TIPARP: variants seen among roughly 807,000 people sequenced by gnomAD.
TIPARP encodes the protein protein mono-ADP-ribosyltransferase TIPARP.
In TIPARP, 12 loss-of-function variants were observed where a neutral mutation model predicts 56.5. The observed-to-expected ratio is 0.21, with a 90% CI of 0.14 to 0.34. The LOEUF (loss-of-function observed/expected upper bound fraction) is 0.34, where lower values mean the gene tolerates loss of function less well. Ranked by LOEUF, TIPARP falls within the 10% of genes least tolerant of loss-of-function variation. The probability of loss-of-function intolerance (pLI) is 1.00; values close to 1 mark genes in which losing one functional copy is unlikely to be tolerated. For missense variants in TIPARP, 604 were observed against 781.6 expected (o/e 0.77, Z 2.71); for synonymous variants, 296 against 265.7 (o/e 1.11, Z -1.11).
chr3:156,693,918 C>T, intron 2 of TIPARP, 102 bp from the exon 3 acceptor site: 1 of 1,273,388 alleles, frequency 7.9e-7, no homozygotes, highest in East Asian at 2.7e-5. Flanking sequence ...CTACAACAGG[C>T]TATGCTATGT....
intron 4 of TIPARP, among the ~76,000 whole-genome samples, chr3:156,701,290 A>G (rs904621669): frequency 4.6e-5 from 7 of 152,246 alleles, no homozygotes; most frequent in African/African-American, 1.7e-4. Flanking sequence ...ATTTTATGGA[A>G]CGGGTCCATA....
rs747800738 is a variant in TIPARP, at chr3:156,677,913, T to C, written c.216T>C (p.Val72=). 3 of 1,614,102 alleles carry C rather than the reference T, an allele frequency of 1.9e-6. No individual in the cohort carries two copies. Among genetic ancestry groups the C allele is most frequent in the Non-Finnish European group, 2.5e-6 (3 of 1,180,018 alleles). ...TLLESGSLDG[V]FRSRNQSTDE... ...TAGAATCTGGCTCACTTGATGGGGT[T>C]TTTAGATCTAGGAACCAGAGTACAG... Residue 72 remains valine, a synonymous_variant, in exon 2 of 6, where the codon GTT becomes GTC. Transcript: ENST00000295924.
intron 2 of TIPARP, among the ~76,000 whole-genome samples, chr3:156,683,582 C>G (rs899157153): frequency 7.2e-5 from 11 of 151,990 alleles, no homozygotes; most frequent in Non-Finnish European, 1.6e-4. Flanking sequence ...AAAAAAAATG[C>G]TGACTTTTGA....
At chr3:156,687,253 T>TA (rs1237706900) in intron 2 of TIPARP, among the ~76,000 whole-genome samples, 1 of 152,210 alleles carries the variant, frequency 6.6e-6, no homozygotes, top group East Asian at 1.9e-4. Context: ...GAATAAAAGT[T>TA]AAGGCTGTAT....
chr3:156,678,000 A>C lies in TIPARP; in HGVS notation c.303A>C (p.Pro101=), dbSNP rs756251665. Residue 101 remains proline (P), a synonymous_variant, in exon 2 of 6, where the codon CCA becomes CCC. Coordinates refer to ENST00000295924, the MANE Select transcript of TIPARP (RefSeq NM_015508.5). ...KKAMEINSSC[P]PAENNMSVLI... The stretch of plus-strand genomic sequence containing the variant: ...CCATGGAAATCAATTCATCATGCCC[A>C]CCAGCAGAAAATAATATGTCTGTTC... 7.4e-6 allele frequency: 12 copies of C among 1,614,012 alleles called. No homozygotes were observed. The highest frequency in any genetic ancestry group is 1.0e-5 in the Non-Finnish European group (12 of 1,180,032).
chr3:156,695,840 T>TTC (rs763285446), intron 3 of TIPARP, 25 bp from the exon 4 acceptor site: 5 of 1,368,698 alleles, frequency 3.7e-6, no homozygotes, highest in Non-Finnish European at 4.7e-6. Flanking sequence ...TTTTTTTTTT[T>TTC]TTTGTTCTGT....
intron 2 of TIPARP, among the ~76,000 whole-genome samples, chr3:156,685,824 G>A (rs2108489993): frequency 6.6e-6 from 1 of 152,320 alleles, no homozygotes; most frequent in South Asian, 2.1e-4. Context: ...AGGACCAAAG[G>A]GTGAACTTTG....
chr3:156,677,253 A>G (rs1003242057), intron 1 of TIPARP, among the ~76,000 whole-genome samples: 1 of 152,208 alleles, frequency 6.6e-6, no homozygotes, highest in Non-Finnish European at 1.5e-5. Context: ...TACATAAACA[A>G]CTATAAAGAG....
chr3:156,703,365 A>T, intron 4 of TIPARP, 59 bp from the exon 5 acceptor site: 1 of 1,538,312 alleles, frequency 6.5e-7, no homozygotes. Context: ...GATCACTATA[A>T]TGTGAGGTGT....
chr3:156,688,552 C>A (rs1722489604), intron 2 of TIPARP, among the ~76,000 whole-genome samples: 1 of 149,832 alleles, frequency 6.7e-6, no homozygotes, highest in Non-Finnish European at 1.5e-5. Flanking sequence ...TAAGTAGCAA[C>A]AGAATAAACA....
chr3:156,691,002 T>C (rs1031143239), intron 2 of TIPARP, among the ~76,000 whole-genome samples: 1 of 152,172 alleles, frequency 6.6e-6, no homozygotes, highest in Non-Finnish European at 1.5e-5. Flanking sequence ...GACTTAAACG[T>C]CCACAGTTTG....
Position 156,705,005 on chromosome 3 carries a change from T to C in TIPARP, c.1848T>C (p.Ser616=). 6.2e-7 allele frequency: 1 copy of C among 1,614,236 alleles called. No individual in the cohort carries two copies. ...CAGTCAATCCTGGCAGTGTCACCAGTGACCTTTATGACTCTTGTGTGGATA... is the reference window on the plus strand; with the variant it reads ...CAGTCAATCCTGGCAGTGTCACCAGCGACCTTTATGACTCTTGTGTGGATA... The part of the protein sequence containing the change: ...PPPVNPGSVT[S]DLYDSCVDNF... Residue 616 remains serine (S), a synonymous_variant, in exon 6 of 6, where the codon AGT becomes AGC. Coordinates refer to ENST00000295924, the MANE Select transcript of TIPARP (RefSeq NM_015508.5).
In TIPARP at chr3:156,704,764, A is replaced by G; in HGVS notation, c.1607A>G (p.Gln536Arg). The stretch of plus-strand genomic sequence containing the variant: ...AGACATTTATTTCATGGAACATCCC[A>G]GGATGTGGTAGATGGAATCTGCAAA... ...NERHLFHGTS[Q>R]DVVDGICKHN... is the part of the protein sequence containing the mutation. The change falls in exon 6 of 6, where the codon CAG becomes CGG. Residue 536 changes from glutamine to arginine, a missense_variant. Gln to Arg is a conservative substitution (Grantham distance 43). Transcript: ENST00000295924. 10 of 1,614,234 alleles carry G rather than the reference A, an allele frequency of 6.2e-6. No individual in the cohort carries two copies. Among genetic ancestry groups the G allele is most frequent in the Non-Finnish European group, 7.6e-6 (9 of 1,180,026 alleles).
Position 156,704,769 on chromosome 3 carries a change from G to T in TIPARP, c.1612G>T (p.Val538Leu). The change falls in exon 6 of 6, where the codon GTG becomes TTG. Residue 538 changes from valine (V) to leucine (L), a missense_variant. Physicochemically the swap from Val to Leu is conservative, Grantham distance 32. Around this residue, in one of 4 missense-constraint regions of TIPARP, gnomAD observed 77 missense variants for 161.0 expected, o/e 0.48. Coordinates refer to ENST00000295924, the MANE Select transcript of TIPARP (RefSeq NM_015508.5). ...RHLFHGTSQDVVDGICKHNFD... is the reference protein window; with the variant it reads ...RHLFHGTSQDLVDGICKHNFD... ...TTTATTTCATGGAACATCCCAGGAT[G>T]TGGTAGATGGAATCTGCAAACACAA... 1 of 1,614,238 alleles carries T rather than the reference G, an allele frequency of 6.2e-7. No individual in the cohort carries two copies. Among genetic ancestry groups the T allele is most frequent in the Non-Finnish European group, 8.5e-7 (1 of 1,180,040 alleles).
intron 2 of TIPARP, among the ~76,000 whole-genome samples, chr3:156,683,255 T>C (rs564581259): frequency 6.6e-6 from 1 of 152,294 alleles, no homozygotes; most frequent in South Asian, 2.1e-4. Flanking sequence ...ACATTATATA[T>C]TTTATCATTG....
Position 156,677,920 on chromosome 3 carries a change from T to G in TIPARP, c.223T>G (p.Ser75Ala), listed in dbSNP as rs1722189584. The G allele has an allele frequency of 6.2e-7, 1 of 1,614,146 alleles. No individual in the cohort carries two copies. Among genetic ancestry groups the G allele is most frequent in the Non-Finnish European group, 8.5e-7 (1 of 1,180,028 alleles). Reference sequence around the variant, plus strand: ...TGGCTCACTTGATGGGGTTTTTAGATCTAGGAACCAGAGTACAGATGAGAA... The same window carrying G: ...TGGCTCACTTGATGGGGTTTTTAGAGCTAGGAACCAGAGTACAGATGAGAA... ...ESGSLDGVFRSRNQSTDENSL... is the reference protein window; with the variant it reads ...ESGSLDGVFRARNQSTDENSL... The change falls in exon 2 of 6, where the codon TCT becomes GCT. Residue 75 changes from serine to alanine, a missense_variant. Transcript: ENST00000295924.
intron 4 of TIPARP, among the ~76,000 whole-genome samples, chr3:156,697,356 A>G (rs567582414): frequency 6.6e-6 from 1 of 151,696 alleles, no homozygotes; most frequent in South Asian, 2.1e-4. Context: ...ATTGTTGGAA[A>G]GTTTCGGTGA....
At chr3:156,697,380 G>A (rs192836727) in intron 4 of TIPARP, among the ~76,000 whole-genome samples, 291 of 149,558 alleles carry the variant, frequency 1.9e-3, no homozygotes, top group African/African-American at 6.7e-3. Context: ...GTGAAAATGC[G>A]TCTGTTTTTA....
chr3:156,697,158 G>A (rs562606984), intron 4 of TIPARP, among the ~76,000 whole-genome samples: 2 of 152,258 alleles, frequency 1.3e-5, no homozygotes, highest in East Asian at 1.9e-4. Context: ...TAAAAAATTA[G>A]AACTAGTAAA....
Sources: gnomAD v4.1 joint callset for allele counts (sites outside exome capture counted in the v4.1 genomes callset) on GRCh38, gnomAD v4.1.1 for gene constraint, gnomAD v4.1.1 regional missense constraint, MANE v1.5 for transcripts, NCBI Gene and HGNC (gene_info 2026-07-23, HGNC 2026-07-21) for gene names.